PSMA1: variants seen among roughly 807,000 people sequenced by gnomAD.
PSMA1 encodes proteasome 20S subunit alpha 1.
A neutral mutation model predicts 38.4 loss-of-function variants in PSMA1; 3 were observed. The ratio of observed to expected loss-of-function variants is 0.08; its 90% CI spans 0.04 to 0.20. The LOEUF (loss-of-function observed/expected upper bound fraction) is 0.20, where lower values mean the gene tolerates loss of function less well. PSMA1 is among the 10% of genes least tolerant of loss of function. The pLI is 1.00. For synonymous variants in PSMA1, 101 were observed against 107.1 expected (o/e 0.94, Z 0.35); for missense variants, 227 against 325.3 (o/e 0.70, Z 2.32).
At chr11:14,544,630 C>A (rs1851806834) in intron 2 of PSMA1, among the ~76,000 whole-genome samples, 1 of 152,114 alleles carries the variant, frequency 6.6e-6, no homozygotes, top group South Asian at 2.1e-4. Context: ...CAATGAAATA[C>A]CACTTTATAC....
At chr11:14,585,702 C>T (rs2134185626) in intron 2 of PSMA1, among the ~76,000 whole-genome samples, 1 of 152,336 alleles carries the variant, frequency 6.6e-6, no homozygotes, top group African/African-American at 2.4e-5. Flanking sequence ...GCCCCTCCTA[C>T]TTATCCCATT....
At chr11:14,507,540 T>C (rs747290334) in intron 9 of PSMA1, 116 bp downstream of exon 9, 43 of 730,022 alleles carry the variant, frequency 5.9e-5, no homozygotes, top group Non-Finnish European at 8.9e-5. Context: ...CCTGTTGCCA[T>C]TTGAATTATG....
chr11:14,520,558 G>C (rs1200858321), upstream of PSMA1: 10 of 1,243,544 alleles, frequency 8.0e-6, no homozygotes, highest in African/African-American at 1.5e-5. Flanking sequence ...TGGGAGTGCC[G>C]GCGGCTGAGA....
At chr11:14,594,368 A>G (rs1006388784) in intron 2 of PSMA1, among the ~76,000 whole-genome samples, 6 of 152,148 alleles carry the variant, frequency 3.9e-5, no homozygotes, top group African/African-American at 1.4e-4. Context: ...AGAGATCTAC[A>G]TCTCTGCAGT....
chr11:14,515,696 G>C (rs1227139523), intron 4 of PSMA1, among the ~76,000 whole-genome samples: 1 of 151,692 alleles, frequency 6.6e-6, no homozygotes, highest in Non-Finnish European at 1.5e-5. Flanking sequence ...TGGGATTACA[G>C]GTGCCTGCCA....
intron 2 of PSMA1, among the ~76,000 whole-genome samples, chr11:14,550,441 T>A (rs1482369258): frequency 6.6e-6 from 1 of 152,168 alleles, no homozygotes; most frequent in East Asian, 1.9e-4. Flanking sequence ...TTACAGCAAA[T>A]CTATTTATCT....
intron 2 of PSMA1, among the ~76,000 whole-genome samples, chr11:14,576,324 T>G (rs916983670): frequency 3.3e-5 from 5 of 152,344 alleles, no homozygotes; most frequent in African/African-American, 1.2e-4. Flanking sequence ...TTGCCATTGC[T>G]TTTGATGTTT....
chr11:14,581,115 G>C (rs1852277604), intron 2 of PSMA1, among the ~76,000 whole-genome samples: 1 of 152,164 alleles, frequency 6.6e-6, no homozygotes, highest in Non-Finnish European at 1.5e-5. Flanking sequence ...TTTGATGTTG[G>C]GTCCCATTGG....
chr11:14,589,696 T>C (rs1291886066), intron 2 of PSMA1, among the ~76,000 whole-genome samples: 1 of 152,124 alleles, frequency 6.6e-6, no homozygotes, highest in African/African-American at 2.4e-5. Context: ...CTTAGGTAAG[T>C]ACATGTTTAT....
At chr11:14,582,811 G>A (rs1348171452) in intron 2 of PSMA1, among the ~76,000 whole-genome samples, 3 of 151,922 alleles carry the variant, frequency 2.0e-5, no homozygotes, top group Non-Finnish European at 2.9e-5. Context: ...GATTACAGGC[G>A]TGAGCCACTG....
At chr11:14,508,474 C>T (rs1472469707) in intron 8 of PSMA1, among the ~76,000 whole-genome samples, 1 of 140,064 alleles carries the variant, frequency 7.1e-6, no homozygotes, top group South Asian at 2.3e-4. Flanking sequence ...ATTACTCTCA[C>T]AATCATGCAG....
At chr11:14,587,671 A>C (rs977951889) in intron 2 of PSMA1, among the ~76,000 whole-genome samples, 7 of 150,874 alleles carry the variant, frequency 4.6e-5, no homozygotes, top group Non-Finnish European at 1.0e-4. Context: ...AACTGGAGGG[A>C]CCTAAGTTTG....
chr11:14,636,936 C>T (rs890211833), intron 1 of PSMA1, among the ~76,000 whole-genome samples: 2 of 152,208 alleles, frequency 1.3e-5, no homozygotes, highest in Non-Finnish European at 2.9e-5. Flanking sequence ...GTTTCTTAAA[C>T]GATTTTCCTA....
chr11:14,531,800 T>C (rs942094226), intron 2 of PSMA1, among the ~76,000 whole-genome samples: 5 of 152,194 alleles, frequency 3.3e-5, no homozygotes, highest in African/African-American at 1.2e-4. Flanking sequence ...TATGGTACTT[T>C]AATCTTTTAT....
intron 1 of PSMA1, among the ~76,000 whole-genome samples, chr11:14,612,993 A>T (rs1481101747): frequency 1.3e-5 from 2 of 152,124 alleles, no homozygotes; most frequent in Non-Finnish European, 2.9e-5. Flanking sequence ...TAAGATGGAG[A>T]TAGGGAAGGA....
At chr11:14,507,167 T>G (rs1565030580) in intron 9 of PSMA1, among the ~76,000 whole-genome samples, 1 of 151,896 alleles carries the variant, frequency 6.6e-6, no homozygotes, top group Non-Finnish European at 1.5e-5. Flanking sequence ...TCTCCCTTTT[T>G]GTGTTTGTTT....
chr11:14,543,614 T>G (rs1851795511), intron 2 of PSMA1, among the ~76,000 whole-genome samples: 1 of 152,158 alleles, frequency 6.6e-6, no homozygotes. Flanking sequence ...AAGGTCTGCA[T>G]TTTTCTCTGT....
intron 2 of PSMA1, among the ~76,000 whole-genome samples, chr11:14,551,659 C>T (rs1851886999): frequency 1.3e-5 from 2 of 152,076 alleles, no homozygotes; most frequent in African/African-American, 2.4e-5. Context: ...TGTGAATGTC[C>T]CTATTGTGGG....
At chr11:14,589,385 A>G (rs201521678) in intron 2 of PSMA1, among the ~76,000 whole-genome samples, 2,328 of 108,566 alleles carry the variant, frequency 0.021, 30 homozygotes, top group Admixed American at 0.048. Context: ...GTGTGTGTGT[A>G]TATATATGTG....
Sources: gnomAD v4.1 joint callset for allele counts (sites outside exome capture counted in the v4.1 genomes callset) on GRCh38, gnomAD v4.1.1 for gene constraint, MANE v1.5 for transcripts, NCBI Gene and HGNC (gene_info 2026-07-23, HGNC 2026-07-21) for gene names.